The following ECPAS variants were observed in gnomAD, a reference collection of about 807,000 sequenced individuals.
ECPAS encodes Ecm29 proteasome adaptor and scaffold.
ECPAS carries 70 observed loss-of-function variants against 255.1 expected under a neutral mutation model. The observed-to-expected ratio is 0.27, with a 90% CI of 0.23 to 0.33. The LOEUF (loss-of-function observed/expected upper bound fraction) is 0.33. Among genes scored for constraint, ECPAS ranks in the 10% least tolerant of loss-of-function variants. The probability of loss-of-function intolerance (pLI) is 1.00; values close to 1 mark genes in which losing one functional copy is unlikely to be tolerated. For missense variants in ECPAS, 1,817 were observed against 2,206.4 expected (o/e 0.82, Z 3.54); for synonymous variants, 784 against 775.0 (o/e 1.01, Z -0.19).
intron 24 of ECPAS, among the ~76,000 whole-genome samples, chr9:111,397,702 A>G (rs2098169727): frequency 6.6e-6 from 1 of 152,222 alleles, no homozygotes; most frequent in Non-Finnish European, 1.5e-5. Context: ...ATTAACATTT[A>G]TTTAACAATT....
chr9:111,379,160 C>A (rs1249316887), intron 35 of ECPAS, among the ~76,000 whole-genome samples: 1 of 152,184 alleles, frequency 6.6e-6, no homozygotes. Context: ...GTATTACAGT[C>A]ATGTGCTGCA....
chr9:111,423,966 A>T (rs756664181), intron 12 of ECPAS, among the ~76,000 whole-genome samples: 1 of 152,214 alleles, frequency 6.6e-6, no homozygotes, highest in Non-Finnish European at 1.5e-5. Flanking sequence ...GAAGACATGC[A>T]GATGTCACCT....
At position 111,410,027 on chromosome 9, in the gene ECPAS, A is replaced by C. The variant is rs560807774; in HGVS notation, c.2550+14T>G. On this transcript the variant is annotated intron_variant, in intron 23 of 49. Transcript: ENST00000684092. The stretch of plus-strand genomic sequence containing the variant: ...CCGAATTCCAGAAAGGGAAAAAATA[A>C]GAAAAAAACTTACCTTATTTGTTTC... 22 of 1,542,098 alleles carry C rather than the reference A, an allele frequency of 1.4e-5. No homozygotes were observed. The South Asian group carries it at 1.8e-4, about 13-fold the overall frequency.
chr9:111,453,463 G>A (rs2098263034), intron 2 of ECPAS, among the ~76,000 whole-genome samples: 1 of 152,108 alleles, frequency 6.6e-6, no homozygotes, highest in South Asian at 2.1e-4. Flanking sequence ...CTTATAGGAA[G>A]AATTCAAAAT....
intron 2 of ECPAS, among the ~76,000 whole-genome samples, chr9:111,464,253 C>A (rs1407923827): frequency 1.4e-5 from 2 of 142,424 alleles, no homozygotes; most frequent in Non-Finnish European, 3.0e-5. Context: ...GGCAACATGA[C>A]AAAACTCCAT....
At chr9:111,446,110 C>T (rs997468041) in intron 3 of ECPAS, among the ~76,000 whole-genome samples, 8 of 152,248 alleles carry the variant, frequency 5.3e-5, no homozygotes, top group African/African-American at 1.9e-4. Context: ...CAAGTCTTTG[C>T]TATTGTGAAT....
At chr9:111,384,607 G>C in intron 33 of ECPAS, 38 bp from the exon 34 acceptor site, 1 of 1,586,288 alleles carries the variant, frequency 6.3e-7, no homozygotes, top group Non-Finnish European at 8.7e-7. Flanking sequence ...ACAAGTTAGA[G>C]AGTTTCACTA....
chr9:111,414,782 G>T, intron 18 of ECPAS, 131 bp from the exon 19 acceptor site: 1 of 771,140 alleles, frequency 1.3e-6, no homozygotes, highest in Non-Finnish European at 1.9e-6. Context: ...AATCCTCATG[G>T]AAGGCAGAAA....
chr9:111,457,364 T>C (rs981958218), intron 2 of ECPAS, among the ~76,000 whole-genome samples: 3 of 151,952 alleles, frequency 2.0e-5, no homozygotes, highest in Non-Finnish European at 4.4e-5. Context: ...AAAAAGCCAC[T>C]AGAGAGAAAG....
chr9:111,448,807 AAAC>A (rs1392432564), intron 3 of ECPAS, among the ~76,000 whole-genome samples: 1 of 152,244 alleles, frequency 6.6e-6, no homozygotes, highest in Non-Finnish European at 1.5e-5. Flanking sequence ...TTGAAACTAA[AAAC>A]AACACTCTTA....
Position 111,484,318 on chromosome 9 carries a change from C to A in ECPAS, c.-285G>T. The A allele has an allele frequency of 6.3e-7, 1 of 1,590,044 alleles. No homozygotes were observed. The highest frequency in any genetic ancestry group is 8.5e-7 in the Non-Finnish European group (1 of 1,169,756). ...CCGGAGCGCCCTTTTCCGAGGTCTG[C>A]GGCTGTCACGTTGGCTGGGCCCGAC... On this transcript the variant is annotated 5_prime_UTR_variant, in exon 1 of 50. Coordinates refer to ENST00000684092, the MANE Select transcript of ECPAS (RefSeq NM_001364929.1).
At chr9:111,418,074 A>T (rs2098207168) in intron 16 of ECPAS, 68 bp from the exon 17 acceptor site, 1 of 1,403,952 alleles carries the variant, frequency 7.1e-7, no homozygotes, top group Admixed American at 2.7e-5. Flanking sequence ...TTTGAAGAAT[A>T]AGAACAGCAA....
At chr9:111,394,067 C>T in intron 26 of ECPAS, 93 bp downstream of exon 26, 1 of 1,201,058 alleles carries the variant, frequency 8.3e-7, no homozygotes. Context: ...AAAATACCTA[C>T]TATTGGTTAA....
intron 3 of ECPAS, among the ~76,000 whole-genome samples, chr9:111,449,634 G>T (rs1018354979): frequency 6.6e-6 from 1 of 152,072 alleles, no homozygotes; most frequent in Admixed American, 6.6e-5. Context: ...TCTAAGATAA[G>T]TAAATGAGTT....
At position 111,369,148 on chromosome 9, in the gene ECPAS, C is replaced by T. The variant is rs145249965; in HGVS notation, c.5000G>A (p.Arg1667Gln). ...KKNSLESSGV[R>Q]TTKNEEENEK... ...ATTCTCCTCTTCATTTTTGGTTGTC[C>T]GGACCCCACTGCTTTCAAGTGAGTT... is the stretch of plus-strand genomic sequence containing the variant. Residue 1667 changes from arginine (R) to glutamine (Q), a missense_variant, in exon 46 of 50, where the codon CGG becomes CAG. Coordinates refer to ENST00000684092, the MANE Select transcript of ECPAS (RefSeq NM_001364929.1). The T allele has an allele frequency of 1.7e-4, 275 of 1,594,522 alleles. 1 individual carries two copies. The African/African-American group carries it at 3.0e-3, about 17-fold the overall frequency.
Position 111,369,164 on chromosome 9 carries a change from C to T in ECPAS, c.4984G>A (p.Glu1662Lys), listed in dbSNP as rs541259690. The T allele has an allele frequency of 1.3e-6, 2 of 1,581,158 alleles. No homozygotes were observed. Among genetic ancestry groups the T allele is most frequent in the East Asian group, 4.6e-5 (2 of 43,632 alleles). Residue 1662 changes from glutamate (E) to lysine (K), a missense_variant, in exon 46 of 50, where the codon GAA becomes AAA. By Grantham distance (56) the Glu-to-Lys change is moderately conservative. Transcript: ENST00000684092. The stretch of plus-strand genomic sequence containing the variant: ...TTGGTTGTCCGGACCCCACTGCTTT[C>T]AAGTGAGTTCTAGGATATATCAAAG... ...VIPLIKKNSLESSGVRTTKNE... is the reference protein window; with the variant it reads ...VIPLIKKNSLKSSGVRTTKNE...
chr9:111,376,972 T>C (rs2098134037), intron 36 of ECPAS, among the ~76,000 whole-genome samples: 1 of 152,228 alleles, frequency 6.6e-6, no homozygotes. Flanking sequence ...ATCTAACAAC[T>C]GTGCTGAAGG....
chr9:111,383,379 A>G lies in ECPAS; in HGVS notation c.3682-47T>C, dbSNP rs777092900. ...CGTTAGTGAAAGTGACCGCGCATCC[A>G]ATAAAGAATTCATCTGACAAAAGAC... is the stretch of plus-strand genomic sequence containing the variant. On this transcript the variant is annotated intron_variant, in intron 34 of 49. Transcript: ENST00000684092. 2.6e-6 allele frequency: 4 copies of G among 1,564,190 alleles called. No individual in the cohort carries two copies. In the Admixed American group the frequency reaches 7.5e-5, roughly 29 times the overall value.
At chr9:111,454,310 T>TGGG (rs71501914) in intron 2 of ECPAS, among the ~76,000 whole-genome samples, 2 of 20,070 alleles carry the variant, frequency 1.0e-4, no homozygotes, top group Non-Finnish European at 9.0e-5. Context: ...TGGGGGGAGA[T>TGGG]GGGGGGGTGG....
Sources: allele counts gnomAD v4.1 joint callset (sites outside exome capture counted in the v4.1 genomes callset), GRCh38; gene constraint gnomAD v4.1.1; transcripts MANE v1.5; gene names NCBI Gene and HGNC (gene_info 2026-07-23, HGNC 2026-07-21).